Variants in ENTREP2 observed in about 807,000 individuals in gnomAD.
ENTREP2 encodes the protein protein ENTREP2.
At chr15:29,639,784 T>TG in the ENTREP2 span, among the ~76,000 whole-genome samples, 7 of 149,436 alleles carry the variant, frequency 4.7e-5, no homozygotes, top group Non-Finnish European at 7.4e-5. Flanking sequence ...TTTTTTTTTT[T>TG]TGAGACGAAG....
the ENTREP2 span, among the ~76,000 whole-genome samples, chr15:29,316,240 A>G: frequency 1.3e-5 from 2 of 152,326 alleles, no homozygotes; most frequent in Admixed American, 1.3e-4. Flanking sequence ...ACTGTAACAT[A>G]TCACCATTTA....
chr15:29,167,563 A>G, the ENTREP2 span, among the ~76,000 whole-genome samples: 1 of 152,134 alleles, frequency 6.6e-6, no homozygotes, highest in African/African-American at 2.4e-5. Flanking sequence ...AACATATGAA[A>G]AAATGCTCAA....
At chr15:29,633,230 T>A in the ENTREP2 span, among the ~76,000 whole-genome samples, 2 of 152,078 alleles carry the variant, frequency 1.3e-5, no homozygotes, top group Non-Finnish European at 2.9e-5. Flanking sequence ...GATGACAACA[T>A]GTGTCAGGTC....
chr15:29,510,808 T>TAAAAA, the ENTREP2 span, among the ~76,000 whole-genome samples: 1 of 92,326 alleles, frequency 1.1e-5, no homozygotes, highest in African/African-American at 4.8e-5. Flanking sequence ...AGACTCCATC[T>TAAAAA]CAAAAAAAAA....
At chr15:29,220,539 G>GCTGC in the ENTREP2 span, among the ~76,000 whole-genome samples, 1 of 152,138 alleles carries the variant, frequency 6.6e-6, no homozygotes, top group African/African-American at 2.4e-5. Flanking sequence ...AAGGAGAGGA[G>GCTGC]CTGCCGCATT....
At chr15:29,453,006 C>G in the ENTREP2 span, among the ~76,000 whole-genome samples, 2 of 152,146 alleles carry the variant, frequency 1.3e-5, no homozygotes, top group African/African-American at 2.4e-5. Context: ...AGCCAAGTAA[C>G]GAGCAAACAT....
At chr15:29,587,317 GAA>G in the ENTREP2 span, among the ~76,000 whole-genome samples, 2 of 151,990 alleles carry the variant, frequency 1.3e-5, no homozygotes, top group African/African-American at 4.8e-5. Context: ...TGGCTGAGCT[GAA>G]GTTTGGGATC....
chr15:29,460,180 A>C, the ENTREP2 span, among the ~76,000 whole-genome samples: 1 of 152,052 alleles, frequency 6.6e-6, no homozygotes, highest in East Asian at 1.9e-4. Flanking sequence ...TGAGCCCAGG[A>C]GTTTGAGGCT....
chr15:29,256,835 G>A, the ENTREP2 span, among the ~76,000 whole-genome samples: 1 of 151,966 alleles, frequency 6.6e-6, no homozygotes, highest in African/African-American at 2.4e-5. Context: ...TAATAGGCAA[G>A]CATTTATTTT....
chr15:29,195,874 CAG>C, the ENTREP2 span, among the ~76,000 whole-genome samples: 6 of 152,272 alleles, frequency 3.9e-5, no homozygotes, highest in Admixed American at 3.9e-4. Flanking sequence ...TCAGGGGAAA[CAG>C]AAGAATTGGG....
chr15:29,313,115 C>T, the ENTREP2 span, among the ~76,000 whole-genome samples: 1 of 152,202 alleles, frequency 6.6e-6, no homozygotes, highest in African/African-American at 2.4e-5. Flanking sequence ...GAACTCTCTT[C>T]AGTTCAATTC....
the ENTREP2 span, among the ~76,000 whole-genome samples, chr15:29,211,610 G>C: frequency 5.9e-5 from 9 of 152,148 alleles, no homozygotes; most frequent in Non-Finnish European, 7.4e-5. Context: ...TATTGGCTGC[G>C]GGTTTGTCAT....
the ENTREP2 span, among the ~76,000 whole-genome samples, chr15:29,448,940 A>T: frequency 6.6e-6 from 1 of 152,176 alleles, no homozygotes; most frequent in African/African-American, 2.4e-5. Flanking sequence ...TTTCACCTGC[A>T]GCTCCAACCA....
At chr15:29,408,363 A>C in the ENTREP2 span, among the ~76,000 whole-genome samples, 1 of 152,170 alleles carries the variant, frequency 6.6e-6, no homozygotes, top group Non-Finnish European at 1.5e-5. Flanking sequence ...ATAAGGTGGG[A>C]AAGTGTGGGC....
At chr15:29,493,072 A>T in the ENTREP2 span, among the ~76,000 whole-genome samples, 1 of 149,880 alleles carries the variant, frequency 6.7e-6, no homozygotes, top group Non-Finnish European at 1.5e-5. Context: ...AATCCTAATT[A>T]GTGAACTTAT....
the ENTREP2 span, among the ~76,000 whole-genome samples, chr15:29,193,925 T>C: frequency 6.6e-6 from 1 of 152,150 alleles, no homozygotes; most frequent in Admixed American, 6.5e-5. Context: ...TTACAAAATA[T>C]GTTAAGATCT....
chr15:29,422,871 G>A, the ENTREP2 span, among the ~76,000 whole-genome samples: 1 of 152,218 alleles, frequency 6.6e-6, no homozygotes, highest in Non-Finnish European at 1.5e-5. Context: ...TATGGAGAGA[G>A]TTTGGGACAT....
the ENTREP2 span, among the ~76,000 whole-genome samples, chr15:29,244,745 G>A: frequency 6.6e-6 from 1 of 152,198 alleles, no homozygotes; most frequent in South Asian, 2.1e-4. Context: ...TGGGTGAGAG[G>A]GAAATGGAGC....
the ENTREP2 span, among the ~76,000 whole-genome samples, chr15:29,155,267 A>G: frequency 2.0e-5 from 3 of 149,014 alleles, no homozygotes; most frequent in Admixed American, 6.7e-5. Context: ...GGGCAACAGA[A>G]CGAGACTCCA....
Sources: allele counts gnomAD v4.1 joint callset (sites outside exome capture counted in the v4.1 genomes callset), GRCh38; gene constraint gnomAD v4.1.1; transcripts MANE v1.5; gene names NCBI Gene and HGNC (gene_info 2026-07-23, HGNC 2026-07-21).